Variants in MBNL2 observed in about 807,000 individuals in gnomAD.
MBNL2 encodes the protein muscleblind like splicing regulator 2.
Under a neutral mutation model 41.9 loss-of-function variants are expected in MBNL2, and 17 were observed. The ratio of observed to expected loss-of-function variants is 0.41; its 90% CI spans 0.28 to 0.61. The LOEUF (loss-of-function observed/expected upper bound fraction) is 0.61, where lower values mean the gene tolerates loss of function less well. Ranked by LOEUF, MBNL2 falls within the 20% of genes least tolerant of loss-of-function variation. The pLI is 0.35. For missense variants in MBNL2, 336 were observed against 505.6 expected, an observed-to-expected ratio of 0.66 and a Z score of 3.22; for synonymous variants, 195 against 182.9, an observed-to-expected ratio of 1.07 and a Z score of -0.53.
At chr13:97,150,586 GA>G in the MBNL2 span, among the ~76,000 whole-genome samples, 2 of 152,200 alleles carry the variant, frequency 1.3e-5, no homozygotes, top group Non-Finnish European at 2.9e-5. Context: ...TATACATGAG[GA>G]CTTCATTTTC....
At chr13:97,178,406 T>C in the MBNL2 span, among the ~76,000 whole-genome samples, 1 of 152,170 alleles carries the variant, frequency 6.6e-6, no homozygotes, top group South Asian at 2.1e-4. Flanking sequence ...GCAGTAATAG[T>C]GTACTTTGTG....
chr13:97,171,400 A>G, the MBNL2 span, among the ~76,000 whole-genome samples: 1 of 152,170 alleles, frequency 6.6e-6, no homozygotes, highest in Non-Finnish European at 1.5e-5. Flanking sequence ...CAACTACTAT[A>G]TTATATTGGT....
At chr13:97,151,388 C>A in the MBNL2 span, among the ~76,000 whole-genome samples, 1 of 152,044 alleles carries the variant, frequency 6.6e-6, no homozygotes, top group African/African-American at 2.4e-5. Flanking sequence ...AAGTATATTT[C>A]TTCAAGGAGG....
At chr13:97,168,871 T>C in the MBNL2 span, among the ~76,000 whole-genome samples, 79 of 152,284 alleles carry the variant, frequency 5.2e-4, no homozygotes, top group Middle Eastern at 3.4e-3. Context: ...TCATGCCTTG[T>C]CTCATCTGAT....
At chr13:97,299,606 T>C (rs1254346425) in intron 2 of MBNL2, among the ~76,000 whole-genome samples, 3 of 152,126 alleles carry the variant, frequency 2.0e-5, no homozygotes, top group Non-Finnish European at 4.4e-5. Context: ...GATTCATTGA[T>C]ACTGTGAAAT....
Position 97,320,261 on chromosome 13 carries a change from C to CTT in MBNL2, c.175-14000_175-13999dup, listed in dbSNP as rs57742449. On this transcript the variant is annotated intron_variant, in intron 2 of 8. Coordinates refer to ENST00000679496, the MANE Select transcript of MBNL2 (RefSeq NM_001382683.1). Reference sequence around the variant, plus strand: ...CCCTCAGAAGATTCTCTGGAAGGGTCTTTTTTTTTTTTTTTTGAGACAGTC... The same window carrying CTT: ...CCCTCAGAAGATTCTCTGGAAGGGTCTTTTTTTTTTTTTTTTTTGAGACAGTC... Among the ~76,000 whole-genome samples the CTT allele has an allele frequency of 3.0e-3, 403 of 134,504 alleles. 2 individuals are homozygous for CTT. Among genetic ancestry groups the CTT allele is most frequent in the African/African-American group, 8.3e-3 (305 of 36,732 alleles). 88.2% of individuals were successfully genotyped at this position (134,504 alleles called of 152,430 possible). A position where few individuals can be genotyped will look rare whatever the true frequency, so the allele number is the denominator to read the frequency against.
At chr13:97,279,132 GT>G (rs1215763024) in intron 2 of MBNL2, among the ~76,000 whole-genome samples, 3 of 152,204 alleles carry the variant, frequency 2.0e-5, no homozygotes, top group African/African-American at 7.2e-5. Context: ...TTATGAAGCT[GT>G]TTAACTTTAT....
At chr13:97,364,836 G>A (rs2063722826) in intron 7 of MBNL2, among the ~76,000 whole-genome samples, 1 of 152,110 alleles carries the variant, frequency 6.6e-6, no homozygotes, top group South Asian at 2.1e-4. Context: ...AATACTTTGA[G>A]GTCTTAGAGG....
chr13:97,187,009 C>T, the MBNL2 span, among the ~76,000 whole-genome samples: 2 of 152,164 alleles, frequency 1.3e-5, no homozygotes, highest in Non-Finnish European at 2.9e-5. Context: ...CTTATTGCCA[C>T]CCTCAAAATA....
At chr13:97,289,926 C>G (rs1005098718) in intron 2 of MBNL2, among the ~76,000 whole-genome samples, 16 of 152,214 alleles carry the variant, frequency 1.1e-4, no homozygotes, top group African/African-American at 3.9e-4. Flanking sequence ...ACAACTTAAA[C>G]TCCAACTAAT....
chr13:97,358,559 C>T lies in MBNL2; in HGVS notation c.1012+924C>T, dbSNP rs117790046. ...AGTATAAATCATGTCATCCCTCCCC[C>T]ATTTGCACCGACATCTCTAACCACA... is the stretch of plus-strand genomic sequence containing the variant. On this transcript the variant is annotated intron_variant, in intron 7 of 8. Transcript: ENST00000679496. Among the ~76,000 whole-genome samples the T allele has an allele frequency of 7.5e-3, 1,137 of 152,264 alleles. 5 individuals carry two copies. Among genetic ancestry groups the T allele is most frequent in the Middle Eastern group, 0.014 (4 of 294 alleles).
At chr13:97,223,888 T>A (rs1389545491) in intron 1 of MBNL2, among the ~76,000 whole-genome samples, 5 of 152,208 alleles carry the variant, frequency 3.3e-5, no homozygotes, top group Non-Finnish European at 7.3e-5. Flanking sequence ...CCCCAACTAT[T>A]TCTGCTGTGT....
chr13:97,362,185 G>T (rs1178009766), intron 7 of MBNL2, among the ~76,000 whole-genome samples: 5 of 152,026 alleles, frequency 3.3e-5, no homozygotes, highest in Non-Finnish European at 5.9e-5. Flanking sequence ...TACATTAACA[G>T]TTGAGCATCC....
At chr13:97,360,495 C>T (rs2153110678) in intron 7 of MBNL2, among the ~76,000 whole-genome samples, 1 of 152,174 alleles carries the variant, frequency 6.6e-6, no homozygotes, top group South Asian at 2.1e-4. Flanking sequence ...GTGGCAAAAC[C>T]ACACACACTT....
upstream of MBNL2, among the ~76,000 whole-genome samples, chr13:97,219,708 G>C (rs960540949): frequency 2.0e-5 from 3 of 152,256 alleles, no homozygotes; most frequent in Non-Finnish European, 4.4e-5. Context: ...TCCTATTGAG[G>C]GCTAGGACTT....
chr13:97,173,209 A>G, the MBNL2 span, among the ~76,000 whole-genome samples: 1 of 152,150 alleles, frequency 6.6e-6, no homozygotes, highest in Non-Finnish European at 1.5e-5. Flanking sequence ...TGTCATTCCA[A>G]TTTTCTTAAA....
intron 3 of MBNL2, among the ~76,000 whole-genome samples, chr13:97,337,430 C>T (rs2060982021): frequency 6.6e-6 from 1 of 152,194 alleles, no homozygotes; most frequent in South Asian, 2.1e-4. Context: ...TTAAACACTC[C>T]TTCCTCCGTC....
chr13:97,327,931 T>A (rs888238970), intron 2 of MBNL2, among the ~76,000 whole-genome samples: 2 of 152,178 alleles, frequency 1.3e-5, no homozygotes, highest in African/African-American at 4.8e-5. Flanking sequence ...GTGATGATGA[T>A]GATGATTATG....
chr13:97,289,385 C>T (rs1383173816), intron 2 of MBNL2, among the ~76,000 whole-genome samples: 1 of 152,208 alleles, frequency 6.6e-6, no homozygotes, highest in East Asian at 1.9e-4. Flanking sequence ...GGCATTGACC[C>T]AGATGCTTGG....
Sources: allele counts gnomAD v4.1 joint callset (sites outside exome capture counted in the v4.1 genomes callset), GRCh38; gene constraint gnomAD v4.1.1; transcripts MANE v1.5; gene names NCBI Gene and HGNC (gene_info 2026-07-23, HGNC 2026-07-21).